The following TTLL2 variants were observed in gnomAD, a reference collection of about 807,000 sequenced individuals.
TTLL2 encodes the protein probable tubulin polyglutamylase TTLL2.
A neutral mutation model predicts 7.5 loss-of-function variants in TTLL2; 10 were observed. That is an observed-to-expected ratio of 1.33 (90% confidence interval 0.82 to 2.25). The LOEUF (loss-of-function observed/expected upper bound fraction) is 2.25. Ranked by LOEUF, TTLL2 falls within the 30% of genes most tolerant of loss-of-function variation. The pLI, the probability that TTLL2 is intolerant of heterozygous loss-of-function variation, is 0.00. For synonymous variants in TTLL2, 284 were observed against 280.3 expected, an observed-to-expected ratio of 1.01 and a Z score of -0.13; for missense variants, 733 against 735.7, an observed-to-expected ratio of 1.00 and a Z score of 0.04.
At chr6:167,336,803 G>A (rs1778988957) in intron 1 of TTLL2, among the ~76,000 whole-genome samples, 1 of 152,234 alleles carries the variant, frequency 6.6e-6, no homozygotes, top group African/African-American at 2.4e-5. Context: ...CACCACTACA[G>A]CTAGGGTGAC....
intron 2 of TTLL2, 119 bp downstream of exon 2, chr6:167,338,922 C>T: frequency 9.6e-7 from 1 of 1,043,664 alleles, no homozygotes; most frequent in Non-Finnish European, 1.3e-6. Flanking sequence ...TTTCTTTCCT[C>T]CTTCTCTCCT....
intron 1 of TTLL2, among the ~76,000 whole-genome samples, chr6:167,329,177 C>T (rs1421699672): frequency 6.6e-6 from 1 of 152,126 alleles, no homozygotes; most frequent in East Asian, 1.9e-4. Context: ...ACACAGGCTC[C>T]CACCTCAGGA....
chr6:167,338,756 T>A lies in TTLL2; in HGVS notation c.157T>A (p.Ser53Thr). 6.2e-7 allele frequency: 1 copy of A among 1,613,824 alleles called. No homozygotes were observed. Among genetic ancestry groups the A allele is most frequent in the African/African-American group, 1.3e-5 (1 of 75,012 alleles). Residue 53 changes from serine to threonine, a missense_variant, in exon 2 of 3, where the codon TCC becomes ACC. By Grantham distance (58) the Ser-to-Thr change is moderately conservative (BLOSUM62 1). Coordinates refer to ENST00000239587, the MANE Select transcript of TTLL2 (RefSeq NM_031949.5). The part of the protein sequence containing the change: ...LGARLQEAGV[S>T]IPPRRGRPTP... Reference sequence around the variant, plus strand: ...AGCAAGGCTACAGGAAGCAGGTGTTTCCATCCCTCCCAGGCGAGGCCGCCC... The same window carrying A: ...AGCAAGGCTACAGGAAGCAGGTGTTACCATCCCTCCCAGGCGAGGCCGCCC...
intron 1 of TTLL2, among the ~76,000 whole-genome samples, chr6:167,329,688 A>G (rs1778895546): frequency 6.6e-6 from 1 of 152,194 alleles, no homozygotes; most frequent in African/African-American, 2.4e-5. Context: ...ATTATTGATT[A>G]TAAGCTTTGG....
In TTLL2 at chr6:167,341,282, C is replaced by T; in HGVS notation, c.1382C>T (p.Thr461Ile). Residue 461 changes from threonine to isoleucine, a missense_variant, in exon 3 of 3, where the codon ACA (threonine) becomes ATA (isoleucine). Physicochemically the swap from Thr to Ile is moderately conservative, Grantham distance 89. Transcript: ENST00000239587. ...CTTCCTTATGATTCTCTTTCGTTCACAAGCAGAATGTACAACGAGGATGAC... is the reference window on the plus strand; with the variant it reads ...CTTCCTTATGATTCTCTTTCGTTCATAAGCAGAATGTACAACGAGGATGAC... ...DCLPYDSLSFTSRMYNEDDSV... is the reference protein window; with the variant it reads ...DCLPYDSLSFISRMYNEDDSV... The T allele has an allele frequency of 6.2e-7, 1 of 1,613,614 alleles. No individual in the cohort carries two copies. The highest frequency in any genetic ancestry group is 8.5e-7 in the Non-Finnish European group (1 of 1,179,966).
chr6:167,326,271 T>C (rs1778847216), intron 1 of TTLL2, among the ~76,000 whole-genome samples: 1 of 152,148 alleles, frequency 6.6e-6, no homozygotes, highest in Admixed American at 6.5e-5. Context: ...TAGTGCATGA[T>C]TTCTGGTTTA....
At position 167,340,279 on chromosome 6, in the gene TTLL2, A is replaced by G. The variant is rs11540664; in HGVS notation, c.379A>G (p.Thr127Ala). 1 of 1,614,082 alleles carries G rather than the reference A, an allele frequency of 6.2e-7. No individual in the cohort carries two copies. Among genetic ancestry groups the G allele is most frequent in the Non-Finnish European group, 8.5e-7 (1 of 1,180,000 alleles). The change falls in exon 3 of 3, where the codon ACA becomes GCA. Residue 127 changes from threonine to alanine, a missense_variant. Physicochemically the swap from Thr to Ala is moderately conservative, Grantham distance 58. Coordinates refer to ENST00000239587, the MANE Select transcript of TTLL2 (RefSeq NM_031949.5). ...GGAGGACTGGAACCTGTACTGGAGG[A>G]CATCCTCTTTCCGAATGACCGAACA... ...NAEDWNLYWR[T>A]SSFRMTEHNS...
In TTLL2 at chr6:167,342,388, A is replaced by G. The variant is rs1469277170; in HGVS notation, c.*709A>G. ...TGCAGTCCTAAGACATAAAAATTCC[A>G]GTAGGTTACTTGAAAACATTATTCT... On this transcript the variant is annotated 3_prime_UTR_variant, in exon 3 of 3. Transcript: ENST00000239587. Among the ~76,000 whole-genome samples, 1 of 152,252 alleles carries G rather than the reference A, an allele frequency of 6.6e-6. No homozygotes were observed. Among genetic ancestry groups the G allele is most frequent in the Admixed American group, 6.5e-5 (1 of 15,288 alleles).
chr6:167,339,006 CCTT>C (rs1025659295), intron 2 of TTLL2, among the ~76,000 whole-genome samples: 1 of 149,436 alleles, frequency 6.7e-6, no homozygotes, highest in Admixed American at 6.7e-5. Flanking sequence ...TGCCCTCCCT[CCTT>C]CCTCCTTTTC....
At chr6:167,338,511 T>C in intron 1 of TTLL2, 136 bp from the exon 2 acceptor site, 1 of 1,196,426 alleles carries the variant, frequency 8.4e-7, no homozygotes, top group Non-Finnish European at 1.1e-6. Context: ...TGGAACAATT[T>C]GAAAGCATTA....
intron 1 of TTLL2, among the ~76,000 whole-genome samples, chr6:167,331,749 C>T (rs771576092): frequency 4.6e-5 from 7 of 152,166 alleles, no homozygotes; most frequent in Non-Finnish European, 8.8e-5. Flanking sequence ...GGCCAATCCC[C>T]GCAGCTGTAC....
chr6:167,329,676 T>C (rs1778895477), intron 1 of TTLL2, among the ~76,000 whole-genome samples: 1 of 152,230 alleles, frequency 6.6e-6, no homozygotes, highest in South Asian at 2.1e-4. Context: ...TAGATAATTT[T>C]AATTATTGAT....
rs532583759 is a variant in TTLL2, at chr6:167,325,228, T to C, written c.47+8T>C. 12 of 1,561,146 alleles carry C rather than the reference T, an allele frequency of 7.7e-6. No homozygotes were observed. The East Asian group carries it at 2.9e-4, about 38-fold the overall frequency. On this transcript the variant is annotated splice_region_variant and intron_variant, in intron 1 of 2. Transcript: ENST00000239587. ...ACAAAGCCAGGCGCTGGGGTAAGCG[T>C]AGGAGGCGACACGTAGGATGGGAGG...
chr6:167,328,195 A>T, intron 1 of TTLL2: 1 of 451,670 alleles, frequency 2.2e-6, no homozygotes, highest in Non-Finnish European at 4.5e-6. Flanking sequence ...CACCAAAACT[A>T]GGAGCTGTCG....
intron 1 of TTLL2, among the ~76,000 whole-genome samples, chr6:167,326,635 C>T (rs1294698683): frequency 6.6e-5 from 10 of 152,268 alleles, no homozygotes; most frequent in Middle Eastern, 3.4e-3. Flanking sequence ...TTGTCCAATC[C>T]GAAGTCCTTG....
intron 1 of TTLL2, among the ~76,000 whole-genome samples, chr6:167,334,503 GACTTTCAAGTCA>G (rs1778962089): frequency 6.6e-6 from 1 of 152,018 alleles, no homozygotes; most frequent in African/African-American, 2.4e-5. Context: ...TATCCTTGTT[GACTTTCAAGTCA>G]ACCCTAAGCC....
chr6:167,325,199 C>A lies in TTLL2; in HGVS notation c.26C>A (p.Ser9Tyr). 6.3e-7 allele frequency: 1 copy of A among 1,576,364 alleles called. No homozygotes were observed. The change falls in exon 1 of 3, where the codon TCC becomes TAC. Residue 9 changes from serine to tyrosine, a missense_variant. By Grantham distance (144) the Ser-to-Tyr change is moderately radical (BLOSUM62 -2). Transcript: ENST00000239587. The stretch of plus-strand genomic sequence containing the variant: ...ATGAGAGGGCGGGACCTGTGTTCCT[C>A]CACACAAAGCCAGGCGCTGGGGTAA... MRGRDLCSSTQSQALGSLR... is the reference protein window; with the variant it reads MRGRDLCSYTQSQALGSLR...
At position 167,340,719 on chromosome 6, in the gene TTLL2, T is replaced by C. The variant is rs772419394; in HGVS notation, c.819T>C (p.Tyr273=). The C allele has an allele frequency of 7.4e-6, 12 of 1,614,194 alleles. No homozygotes were observed. In the South Asian group the frequency reaches 1.2e-4, roughly 16 times the overall value. The change falls in exon 3 of 3, where the codon TAT becomes TAC. Residue 273 remains tyrosine, a synonymous_variant. Transcript: ENST00000239587. ...TTAAGCCTTTGACCATTTATGTTTA[T>C]CAGGAAGGGTTGGTTCGGTTTGCCA... ...TGFKPLTIYV[Y]QEGLVRFATE... is the part of the protein sequence containing the mutation.
rs1779101387 is a variant in TTLL2, at chr6:167,341,756, T to C, written c.*77T>C. On this transcript the variant is annotated 3_prime_UTR_variant, in exon 3 of 3. Transcript: ENST00000239587. Reference sequence around the variant, plus strand: ...GATCCTGTCCTAGAGAAAGCAATAGTTCAAGTCCCTACCTGTGCCACCAGC... The same window carrying C: ...GATCCTGTCCTAGAGAAAGCAATAGCTCAAGTCCCTACCTGTGCCACCAGC... 7.0e-7 allele frequency: 1 copy of C among 1,438,176 alleles called. No homozygotes were observed. Among genetic ancestry groups the C allele is most frequent in the Admixed American group, 2.5e-5 (1 of 40,720 alleles). The allele number at this position is 1,438,176 out of a possible 1,614,324, so 89.1% of individuals were successfully genotyped here.
Sources: gnomAD v4.1 joint callset for allele counts (sites outside exome capture counted in the v4.1 genomes callset) on GRCh38, gnomAD v4.1.1 for gene constraint, MANE v1.5 for transcripts, NCBI Gene and HGNC (gene_info 2026-07-23, HGNC 2026-07-21) for gene names.